CMC1: variants seen among roughly 807,000 people sequenced by gnomAD.
The protein encoded by CMC1 is COX assembly mitochondrial protein homolog.
CMC1 carries 14 observed loss-of-function variants against 14.1 expected under a neutral mutation model. The ratio of observed to expected loss-of-function variants is 0.99; its 90% confidence interval spans 0.66 to 1.55. CMC1 has a LOEUF of 1.55. Ranked by LOEUF, CMC1 falls within the 40% of genes most tolerant of loss-of-function variation. The pLI is 0.00. For missense variants in CMC1, 127 were observed against 123.8 expected, an observed-to-expected ratio of 1.03 and a Z score of -0.12; for synonymous variants, 50 against 38.4, an observed-to-expected ratio of 1.30 and a Z score of -1.12.
intron 2 of CMC1, among the ~76,000 whole-genome samples, chr3:28,310,119 A>G (rs1199355361): frequency 6.6e-6 from 1 of 152,096 alleles, no homozygotes; most frequent in Non-Finnish European, 1.5e-5. Context: ...CTAACACAAC[A>G]CAGTGTACAT....
intron 2 of CMC1, among the ~76,000 whole-genome samples, chr3:28,308,489 TA>T (rs1372688635): frequency 2.0e-5 from 3 of 152,104 alleles, no homozygotes; most frequent in African/African-American, 7.2e-5. Flanking sequence ...TATGATGAAA[TA>T]AAATGTTTGA....
chr3:28,244,597 C>T (rs1184415617), intron 1 of CMC1, among the ~76,000 whole-genome samples: 1 of 152,092 alleles, frequency 6.6e-6, no homozygotes, highest in Non-Finnish European at 1.5e-5. Context: ...GGCATGGTGG[C>T]ACACGCCTGT....
chr3:28,248,594 T>C (rs1406152870), intron 1 of CMC1, among the ~76,000 whole-genome samples: 2 of 152,226 alleles, frequency 1.3e-5, no homozygotes, highest in African/African-American at 2.4e-5. Flanking sequence ...AGTTTGTGTC[T>C]TGTTGCCTGG....
chr3:28,270,654 C>T, intron 2 of CMC1, among the ~76,000 whole-genome samples: 1 of 151,684 alleles, frequency 6.6e-6, no homozygotes, highest in Admixed American at 6.6e-5. Context: ...GATATTAGAC[C>T]TTTGTCAGAT....
chr3:28,316,470 G>C (rs777226079), intron 3 of CMC1, 47 bp downstream of exon 3: 1 of 1,072,968 alleles, frequency 9.3e-7, no homozygotes, highest in Admixed American at 2.3e-5. Flanking sequence ...ATTTGTGGTA[G>C]ATAAGAGTAT....
rs540444028 is a variant in CMC1, at chr3:28,291,310, T to C, written c.110-25023T>C. On this transcript the variant is annotated intron_variant, in intron 2 of 3. Transcript: ENST00000466830. ...GATCATTGGAGGCCATCTTGGAAGC[T>C]GTCTTCCAAAATAGTTGCCTACCAT... Among the ~76,000 whole-genome samples, 5 of 152,284 alleles carry C rather than the reference T, an allele frequency of 3.3e-5. No individual in the cohort carries two copies. In the South Asian group the frequency reaches 8.3e-4, roughly 25 times the overall value.
chr3:28,301,639 T>TAA (rs1559437422), intron 2 of CMC1, among the ~76,000 whole-genome samples: 2 of 148,734 alleles, frequency 1.3e-5, no homozygotes, highest in African/African-American at 5.2e-5. Flanking sequence ...TTTTTTTTTT[T>TAA]TAAAAAAATA....
intron 2 of CMC1, among the ~76,000 whole-genome samples, chr3:28,280,583 C>G (rs1700835604): frequency 6.6e-6 from 1 of 152,088 alleles, no homozygotes; most frequent in Admixed American, 6.5e-5. Flanking sequence ...CACAAAAATT[C>G]ATAAATGTGG....
chr3:28,267,673 T>C (rs1577010492), intron 2 of CMC1, among the ~76,000 whole-genome samples: 1 of 152,216 alleles, frequency 6.6e-6, no homozygotes, highest in East Asian at 1.9e-4. Context: ...CAAAGAAGCT[T>C]GATAAAATGC....
At chr3:28,317,135 A>G (rs911736489) in intron 3 of CMC1, 3 of 152,010 alleles carry the variant, frequency 2.0e-5, no homozygotes, top group African/African-American at 7.2e-5. Flanking sequence ...TGCAGCGTAT[A>G]TGTCAGTATG....
chr3:28,269,905 G>A (rs957254468), intron 2 of CMC1, among the ~76,000 whole-genome samples: 5 of 152,128 alleles, frequency 3.3e-5, no homozygotes, highest in Admixed American at 3.3e-4. Context: ...CATTAGCTAT[G>A]TATCCTGATG....
intron 2 of CMC1, among the ~76,000 whole-genome samples, chr3:28,267,170 A>G (rs1261145894): frequency 6.6e-6 from 1 of 152,116 alleles, no homozygotes; most frequent in African/African-American, 2.4e-5. Context: ...TCTGTTAGTA[A>G]TATTTAAAAA....
At chr3:28,247,855 T>A (rs1398172521) in intron 1 of CMC1, among the ~76,000 whole-genome samples, 2 of 148,258 alleles carry the variant, frequency 1.3e-5, no homozygotes, top group African/African-American at 4.9e-5. Flanking sequence ...TAAGCTGTAC[T>A]TTTTTTTTTG....
intron 2 of CMC1, among the ~76,000 whole-genome samples, chr3:28,304,463 G>C (rs370022863): frequency 3.3e-5 from 5 of 151,890 alleles, no homozygotes; most frequent in Admixed American, 3.3e-4. Context: ...AAGAAGTAAG[G>C]ATTTTTATCT....
chr3:28,285,120 T>C (rs924203666), intron 2 of CMC1, among the ~76,000 whole-genome samples: 1 of 152,208 alleles, frequency 6.6e-6, no homozygotes, highest in African/African-American at 2.4e-5. Flanking sequence ...ATGCTAATAA[T>C]TAATTGATGA....
At chr3:28,251,540 A>G (rs1207690986) in intron 1 of CMC1, among the ~76,000 whole-genome samples, 2 of 152,214 alleles carry the variant, frequency 1.3e-5, no homozygotes, top group African/African-American at 4.8e-5. Context: ...CCACCCCAAA[A>G]AAGTTATATT....
At chr3:28,316,645 C>A (rs1274071463) in intron 3 of CMC1, 2 of 339,638 alleles carry the variant, frequency 5.9e-6, no homozygotes, top group Non-Finnish European at 1.1e-5. Flanking sequence ...AAGATGAAGT[C>A]AGCAGACAAA....
At chr3:28,279,303 G>A (rs1005084673) in intron 2 of CMC1, among the ~76,000 whole-genome samples, 6 of 152,160 alleles carry the variant, frequency 3.9e-5, no homozygotes, top group Non-Finnish European at 7.3e-5. Flanking sequence ...TGGAAAGTGC[G>A]TGTGCATGCA....
rs1044605131 is a variant in CMC1 at position 28,285,269 on chromosome 3, G to A, written c.109+21889G>A. Among the ~76,000 whole-genome samples, 4 of 152,142 alleles carry A rather than the reference G, an allele frequency of 2.6e-5. No homozygotes were observed. In the South Asian group the frequency reaches 8.3e-4, roughly 31 times the overall value. On this transcript the variant is annotated intron_variant, in intron 2 of 3. Transcript: ENST00000466830. ...GGTACTGGTGACCTTCTCTGCTGGG[G>A]AGGAAGGACTTGTGACACAAAATAC...
Sources: allele counts gnomAD v4.1 joint callset (sites outside exome capture counted in the v4.1 genomes callset), GRCh38; gene constraint gnomAD v4.1.1; transcripts MANE v1.5; gene names NCBI Gene and HGNC (gene_info 2026-07-23, HGNC 2026-07-21).